SYNE3: variants seen among roughly 807,000 people sequenced by gnomAD.
SYNE3 encodes nesprin-3.
Under a neutral mutation model 111.2 loss-of-function variants are expected in SYNE3, and 100 were observed. That is an observed-to-expected ratio of 0.90 (90% confidence interval 0.77 to 1.06). The LOEUF (loss-of-function observed/expected upper bound fraction) is 1.06. SYNE3 is among the 50% of genes least tolerant of loss of function. SYNE3 has a pLI of 0.00. For synonymous variants in SYNE3, 547 were observed against 533.9 expected, an observed-to-expected ratio of 1.02 and a Z score of -0.34; for missense variants, 1,160 against 1,240.3, an observed-to-expected ratio of 0.94 and a Z score of 0.97.
chr14:95,511,737 TTAAA>T (rs2139618872), intron 1 of SYNE3, among the ~76,000 whole-genome samples: 1 of 151,744 alleles, frequency 6.6e-6, no homozygotes, highest in South Asian at 2.1e-4. Flanking sequence ...AATAAATAAA[TTAAA>T]TAAAATAAAT....
intron 1 of SYNE3, among the ~76,000 whole-genome samples, chr14:95,482,683 A>C (rs1566682445): frequency 1.3e-5 from 2 of 152,280 alleles, no homozygotes; most frequent in East Asian, 3.9e-4. Context: ...AGACACAAAC[A>C]GTCTGCTGAA....
chr14:95,449,485 C>T lies in SYNE3; in HGVS notation c.1449+446G>A, dbSNP rs992602378. 6 of 985,460 alleles carry T rather than the reference C, an allele frequency of 6.1e-6. No homozygotes were observed. In the African/African-American group the frequency reaches 8.7e-5, roughly 14 times the overall value. The allele number at this position is 985,460 out of a possible 1,614,324, so 61.0% of individuals were successfully genotyped here. On this transcript the variant is annotated intron_variant, in intron 8 of 17. Coordinates refer to ENST00000682763, the MANE Select transcript of SYNE3 (RefSeq NM_152592.6). The stretch of plus-strand genomic sequence containing the variant: ...GAGCAGCCATGCTGGGGCCATGAGG[C>T]GAGACCTGGCTTAGAACTACAAAGG...
rs1223594417 is a variant in SYNE3, at chr14:95,407,379, A to G, written c.*10447T>C. ...ATCTTTTAGAACACTGCTACTTCCA[A>G]CTTGCACAAAAGGAAGGGGAGGAAA... On this transcript the variant is annotated 3_prime_UTR_variant, in exon 18 of 18. Coordinates refer to ENST00000682763, the MANE Select transcript of SYNE3 (RefSeq NM_152592.6). The G allele has an allele frequency of 2.6e-5, 4 of 152,330 alleles. No homozygotes were observed. In the East Asian group the frequency reaches 7.7e-4, roughly 29 times the overall value. 9.4% of individuals were successfully genotyped at this position (152,330 alleles called of 1,614,324 possible).
intron 15 of SYNE3, among the ~76,000 whole-genome samples, chr14:95,434,534 A>G (rs1328469597): frequency 6.6e-6 from 1 of 152,128 alleles, no homozygotes; most frequent in Non-Finnish European, 1.5e-5. Context: ...CCCAGTTCAA[A>G]GTCATCTTAG....
At chr14:95,434,659 TC>T (rs1885982358) in intron 15 of SYNE3, among the ~76,000 whole-genome samples, 1 of 105,998 alleles carries the variant, frequency 9.4e-6, no homozygotes, top group Non-Finnish European at 1.8e-5. Flanking sequence ...TTATCCTAAA[TC>T]TTTTTTTTCT....
chr14:95,481,455 A>T (rs1889247176), intron 1 of SYNE3, among the ~76,000 whole-genome samples: 1 of 152,180 alleles, frequency 6.6e-6, no homozygotes, highest in Non-Finnish European at 1.5e-5. Context: ...TACGCTAGAG[A>T]GACAAGGCGG....
Position 95,439,609 on chromosome 14 carries a change from C to A in SYNE3, c.2246+3G>T. 6.2e-7 allele frequency: 1 copy of A among 1,607,830 alleles called. No homozygotes were observed. Among genetic ancestry groups the A allele is most frequent in the African/African-American group, 1.3e-5 (1 of 75,056 alleles). On this transcript the variant is annotated splice_donor_region_variant and intron_variant, in intron 13 of 17. Transcript: ENST00000682763. ...ACGCTCAGAGCCTAGGAGGCACTCTCACCTCAGCAGACTTTCTTCCAGCAG... is the reference window on the plus strand; with the variant it reads ...ACGCTCAGAGCCTAGGAGGCACTCTAACCTCAGCAGACTTTCTTCCAGCAG...
chr14:95,426,967 A>T (rs982191854), intron 17 of SYNE3, among the ~76,000 whole-genome samples: 6 of 147,814 alleles, frequency 4.1e-5, no homozygotes, highest in African/African-American at 1.5e-4. Context: ...AAAAAAGAAT[A>T]GTTATACTAG....
chr14:95,516,560 G>GCCCCCGT (rs1890947056), intron 1 of SYNE3, among the ~76,000 whole-genome samples, 36 bp downstream of exon 1: 1 of 143,252 alleles, frequency 7.0e-6, no homozygotes, highest in South Asian at 2.4e-4. Context: ...CCGGCCCCCG[G>GCCCCCGT]CCCCAGGCCT....
At position 95,500,931 on chromosome 14, in the gene SYNE3, C is replaced by T. The variant is rs892640567; in HGVS notation, c.-15+15665G>A. Among the ~76,000 whole-genome samples the T allele has an allele frequency of 1.3e-5, 2 of 152,336 alleles. No homozygotes were observed. Among genetic ancestry groups the T allele is most frequent in the South Asian group, 2.1e-4 (1 of 4,822 alleles). On this transcript the variant is annotated intron_variant, in intron 1 of 17. Coordinates refer to ENST00000682763, the MANE Select transcript of SYNE3 (RefSeq NM_152592.6). The surrounding 1 kb of genome is among the most constrained non-coding windows in gnomAD (Gnocchi z 4.7). ...GCTTCCCACACCAGGCACAAAATCC[C>T]GTCTGACTTTCTAAAATATTTTCTC...
chr14:95,423,423 T>C (rs1885245633), intron 17 of SYNE3, among the ~76,000 whole-genome samples: 1 of 152,122 alleles, frequency 6.6e-6, no homozygotes, highest in Non-Finnish European at 1.5e-5. Context: ...AGGGTCTAGG[T>C]TGACTCACAG....
intron 17 of SYNE3, among the ~76,000 whole-genome samples, chr14:95,431,112 G>A (rs17828560): frequency 0.13 from 19,169 of 152,234 alleles, 1,319 homozygotes; most frequent in South Asian, 0.23. Context: ...GAGGAGGCTC[G>A]TGTCATTACG....
chr14:95,457,397 C>T, intron 4 of SYNE3, 59 bp from the exon 5 acceptor site: 1 of 1,584,128 alleles, frequency 6.3e-7, no homozygotes, highest in Non-Finnish European at 8.6e-7. Flanking sequence ...GCCCAAAGGC[C>T]AGAAAGCCCG....
In SYNE3 at chr14:95,470,861, G is replaced by A. The variant is rs1054767926; in HGVS notation, c.145-2894C>T. On this transcript the variant is annotated intron_variant, in intron 2 of 17. Transcript: ENST00000682763. This position sits in a 1 kb window ranked among gnomAD's most constrained non-coding sequence, Gnocchi z 4.2. ...TGATCCTAGCTACTCAGGAGGCTGA[G>A]GCAGGAGACTTGCTTGAACCTGGGA... is the stretch of plus-strand genomic sequence containing the variant. 6.6e-6 allele frequency among the ~76,000 whole-genome samples: 1 copy of A among 151,822 alleles called. No individual in the cohort carries two copies. Among genetic ancestry groups the A allele is most frequent in the Non-Finnish European group, 1.5e-5 (1 of 67,960 alleles).
At chr14:95,419,454 A>G (rs1472579719) in intron 17 of SYNE3, among the ~76,000 whole-genome samples, 5 of 152,164 alleles carry the variant, frequency 3.3e-5, no homozygotes, top group African/African-American at 9.7e-5. Flanking sequence ...CTTATTTATA[A>G]TAATAGTGCT....
At chr14:95,471,308 CCTTCT>C (rs1888514113) in intron 2 of SYNE3, among the ~76,000 whole-genome samples, 3 of 152,236 alleles carry the variant, frequency 2.0e-5, no homozygotes, top group Admixed American at 1.3e-4. Flanking sequence ...GACAATGGCC[CCTTCT>C]CCAAAGCCTG....
intron 6 of SYNE3, among the ~76,000 whole-genome samples, 183 bp from the exon 7 acceptor site, chr14:95,452,566 C>T (rs975021882): frequency 6.6e-6 from 1 of 152,204 alleles, no homozygotes; most frequent in Non-Finnish European, 1.5e-5. Context: ...AGCTCCATGA[C>T]CTGGAACTCA....
At position 95,500,842 on chromosome 14, in the gene SYNE3, G is replaced by T. The variant is rs547941854; in HGVS notation, c.-15+15754C>A. Among the ~76,000 whole-genome samples the T allele has an allele frequency of 6.6e-6, 1 of 152,292 alleles. No homozygotes were observed. Among genetic ancestry groups the T allele is most frequent in the South Asian group, 2.1e-4 (1 of 4,822 alleles). On this transcript the variant is annotated intron_variant, in intron 1 of 17. Transcript: ENST00000682763. The surrounding 1 kb of genome is among the most constrained non-coding windows in gnomAD (Gnocchi z 4.7). ...TGGAAGAAGCAAACGGTCAGCACAC[G>T]AGCCCCATTCTTTGTACTCCCAGTG...
At chr14:95,510,783 G>A (rs773509024) in intron 1 of SYNE3, among the ~76,000 whole-genome samples, 11 of 151,488 alleles carry the variant, frequency 7.3e-5, no homozygotes, top group African/African-American at 9.7e-5. Flanking sequence ...GTGAGACTCC[G>A]TCTCAAAAAA....
Sources: gnomAD v4.1 joint callset for allele counts (sites outside exome capture counted in the v4.1 genomes callset) on GRCh38, gnomAD v4.1.1 for gene constraint, Gnocchi (gnomAD v3.1) non-coding constraint, MANE v1.5 for transcripts, NCBI Gene and HGNC (gene_info 2026-07-23, HGNC 2026-07-21) for gene names.